Variants in ADK observed in about 807,000 individuals in gnomAD.
ADK encodes the protein N6,N6-dimethyladenosine kinase.
Under a neutral mutation model 44.7 loss-of-function variants are expected in ADK, and 24 were observed. The ratio of observed to expected loss-of-function variants is 0.54; its 90% CI spans 0.39 to 0.76. The LOEUF is 0.76. ADK is among the 30% of genes least tolerant of loss of function. ADK has a pLI of 0.00. For missense variants in ADK, 321 were observed against 425.1 expected, an observed-to-expected ratio of 0.76 and a Z score of 2.15; for synonymous variants, 128 against 142.6, an observed-to-expected ratio of 0.90 and a Z score of 0.73.
At chr10:74,575,758 A>T (rs558845204) in intron 7 of ADK, among the ~76,000 whole-genome samples, 11 of 152,242 alleles carry the variant, frequency 7.2e-5, no homozygotes, top group Non-Finnish European at 1.5e-4. Context: ...TAGTTTTTTC[A>T]AGCAAAAGCT....
chr10:74,413,127 A>C (rs989452343), intron 6 of ADK, among the ~76,000 whole-genome samples: 4 of 152,044 alleles, frequency 2.6e-5, no homozygotes, highest in Non-Finnish European at 4.4e-5. Flanking sequence ...TATTTCATTT[A>C]TAGAACACAG....
At chr10:74,252,368 GCTA>G (rs988432468) in intron 3 of ADK, among the ~76,000 whole-genome samples, 30 of 152,106 alleles carry the variant, frequency 2.0e-4, no homozygotes, top group African/African-American at 7.0e-4. Flanking sequence ...ACTTTTTAAG[GCTA>G]CTAACAGTTT....
At chr10:74,283,494 C>A (rs34311007) in intron 3 of ADK, among the ~76,000 whole-genome samples, 1,853 of 148,166 alleles carry the variant, frequency 0.013, 20 homozygotes, top group Non-Finnish European at 0.019. Context: ...CTTGATATTA[C>A]AATTAACTTA....
intron 3 of ADK, among the ~76,000 whole-genome samples, chr10:74,287,917 G>A (rs567634676): frequency 4.0e-5 from 6 of 150,454 alleles, no homozygotes; most frequent in East Asian, 3.9e-4. Flanking sequence ...GGGAGGTTGA[G>A]GCTGCAGTGA....
chr10:74,702,531 C>A (rs1036264579), intron 10 of ADK, among the ~76,000 whole-genome samples: 10 of 142,700 alleles, frequency 7.0e-5, no homozygotes, highest in Non-Finnish European at 1.5e-4. Flanking sequence ...TTCTTTCCTT[C>A]CTTCCTTCCT....
intron 7 of ADK, among the ~76,000 whole-genome samples, chr10:74,561,085 T>TTA (rs1246457944): frequency 1.3e-5 from 2 of 152,326 alleles, no homozygotes; most frequent in Non-Finnish European, 2.9e-5. Context: ...TGAGGACATG[T>TTA]TACTGGTCGA....
intron 6 of ADK, among the ~76,000 whole-genome samples, chr10:74,412,884 C>G (rs1317415193): frequency 6.6e-6 from 1 of 152,082 alleles, no homozygotes; most frequent in African/African-American, 2.4e-5. Context: ...ATGGTGAAAC[C>G]ACATCTCTAC....
At chr10:74,422,392 A>G (rs905620230) in intron 6 of ADK, among the ~76,000 whole-genome samples, 12 of 152,232 alleles carry the variant, frequency 7.9e-5, no homozygotes, top group African/African-American at 2.7e-4. Context: ...TAAATGTTAC[A>G]TAGTTTCCTG....
At chr10:74,507,540 A>G (rs1239505080) in intron 6 of ADK, among the ~76,000 whole-genome samples, 1 of 152,074 alleles carries the variant, frequency 6.6e-6, no homozygotes, top group African/African-American at 2.4e-5. Flanking sequence ...GCTTGAGCCC[A>G]GGAGGCAGAG....
rs779372765 is a variant in ADK at position 74,314,750 on chromosome 10, G to GT, written c.273+7dup. Reference sequence around the variant, plus strand: ...AATTCAATTAAAGTGGCTCAGGTTGGTTAATTATTTTAAAAGTTAAAAGGA... The same window carrying GT: ...AATTCAATTAAAGTGGCTCAGGTTGGTTTAATTATTTTAAAAGTTAAAAGGA... On this transcript the variant is annotated splice_donor_region_variant and intron_variant, in intron 4 of 10. Transcript: ENST00000539909. 1.9e-6 allele frequency: 3 copies of GT among 1,600,494 alleles called. No individual in the cohort carries two copies. In the African/African-American group the frequency reaches 4.0e-5, roughly 21 times the overall value.
chr10:74,623,677 T>TTA (rs564403276), intron 9 of ADK, among the ~76,000 whole-genome samples: 14 of 151,266 alleles, frequency 9.3e-5, no homozygotes, highest in Non-Finnish European at 1.8e-4. Context: ...TAGATTTTAT[T>TTA]TATATATATA....
intron 3 of ADK, among the ~76,000 whole-genome samples, chr10:74,226,638 CAA>C (rs1168616834): frequency 6.6e-6 from 1 of 151,686 alleles, no homozygotes; most frequent in Non-Finnish European, 1.5e-5. Context: ...TTTTATATTT[CAA>C]AGTTTTTTTT....
rs546703548 is a variant in ADK, at chr10:74,565,714, C to T, written c.727-23568C>T. Among the ~76,000 whole-genome samples, 21 of 113,758 alleles carry T rather than the reference C, an allele frequency of 1.8e-4. No homozygotes were observed. In the East Asian group the frequency reaches 3.7e-3, roughly 20 times the overall value. The allele number at this position is 113,758 out of a possible 152,430, so 74.6% of individuals were successfully genotyped here. ...TGCACTCCAGCCTGGGCAACAAGAG[C>T]GAAACTCCGTCTCAAAAAAAAAAAA... On this transcript the variant is annotated intron_variant, in intron 7 of 10. Coordinates refer to ENST00000539909, the MANE Select transcript of ADK (RefSeq NM_006721.4).
At chr10:74,180,649 G>A (rs950571313) in intron 1 of ADK, among the ~76,000 whole-genome samples, 1 of 151,942 alleles carries the variant, frequency 6.6e-6, no homozygotes, top group African/African-American at 2.4e-5. Flanking sequence ...TAGTAGAGAC[G>A]GGGTTTCACC....
chr10:74,576,944 C>CCTAA (rs1427494428), intron 7 of ADK, among the ~76,000 whole-genome samples: 2 of 152,008 alleles, frequency 1.3e-5, no homozygotes, highest in African/African-American at 4.8e-5. Flanking sequence ...ATAATTGGCT[C>CCTAA]CTAAGATAAT....
intron 1 of ADK, among the ~76,000 whole-genome samples, chr10:74,188,905 TG>T (rs1412448270): frequency 1.3e-5 from 2 of 151,974 alleles, no homozygotes; most frequent in Admixed American, 1.3e-4. Context: ...CCCGAGTAGC[TG>T]GGACTATAGG....
intron 1 of ADK, among the ~76,000 whole-genome samples, chr10:74,195,272 T>C (rs973242856): frequency 6.6e-6 from 1 of 152,222 alleles, no homozygotes; most frequent in Admixed American, 6.5e-5. Context: ...ATTCATATAG[T>C]ATGTTCATCA....
At chr10:74,517,516 C>G (rs1848636513) in intron 6 of ADK, among the ~76,000 whole-genome samples, 1 of 151,934 alleles carries the variant, frequency 6.6e-6, no homozygotes. Context: ...TGACAAAATC[C>G]TGTTTCTACT....
chr10:74,356,059 C>G (rs1036678762), intron 4 of ADK, among the ~76,000 whole-genome samples: 1 of 131,590 alleles, frequency 7.6e-6, no homozygotes, highest in African/African-American at 2.8e-5. Context: ...TCGCCCAGGC[C>G]GGACTGCGGA....
Sources: allele counts gnomAD v4.1 joint callset (sites outside exome capture counted in the v4.1 genomes callset), GRCh38; gene constraint gnomAD v4.1.1; transcripts MANE v1.5; gene names NCBI Gene and HGNC (gene_info 2026-07-23, HGNC 2026-07-21).